DAAM2: variants seen among roughly 807,000 people sequenced by gnomAD.
The protein encoded by DAAM2 is dishevelled associated activator of morphogenesis 2.
Under a neutral mutation model 120.7 loss-of-function variants are expected in DAAM2, and 39 were observed. The ratio of observed to expected loss-of-function variants is 0.32; its 90% CI spans 0.25 to 0.42. The LOEUF (loss-of-function observed/expected upper bound fraction) is 0.42. DAAM2 is among the 10% of genes least tolerant of loss of function. The probability of loss-of-function intolerance (pLI) is 1.00; values close to 1 mark genes in which losing one functional copy is unlikely to be tolerated. For missense variants in DAAM2, 1,283 were observed against 1,401.7 expected (o/e 0.92, Z 1.35); for synonymous variants, 488 against 524.9 (o/e 0.93, Z 0.96).
intron 1 of DAAM2, among the ~76,000 whole-genome samples, chr6:39,800,258 G>A (rs1761820419): frequency 6.6e-6 from 1 of 152,182 alleles, no homozygotes; most frequent in South Asian, 2.1e-4. Context: ...GATGTACACA[G>A]CCTGCTGACC....
chr6:39,837,554 T>G (rs1763149546), intron 1 of DAAM2, among the ~76,000 whole-genome samples: 1 of 149,280 alleles, frequency 6.7e-6, no homozygotes, highest in African/African-American at 2.5e-5. Flanking sequence ...TCCCAGCTAC[T>G]TGGGAGGCTG....
At chr6:39,807,664 G>A (rs1762047732) in intron 1 of DAAM2, among the ~76,000 whole-genome samples, 1 of 152,034 alleles carries the variant, frequency 6.6e-6, no homozygotes, top group Non-Finnish European at 1.5e-5. Context: ...TTACAGGCGA[G>A]CACAACTATG....
At chr6:39,867,406 G>A in intron 5 of DAAM2, 104 bp from the exon 6 acceptor site, 1 of 1,064,046 alleles carries the variant, frequency 9.4e-7, no homozygotes, top group Non-Finnish European at 1.4e-6. Flanking sequence ...GCTACTGTAG[G>A]TGGGACAAGG....
At chr6:39,877,579 C>A (rs563266634) in intron 11 of DAAM2, among the ~76,000 whole-genome samples, 1 of 152,320 alleles carries the variant, frequency 6.6e-6, no homozygotes, top group East Asian at 1.9e-4. Context: ...CTTCCACATT[C>A]TCAGATTTAT....
intron 1 of DAAM2, among the ~76,000 whole-genome samples, chr6:39,811,911 T>C (rs1762173963): frequency 1.3e-5 from 2 of 152,198 alleles, no homozygotes; most frequent in South Asian, 4.1e-4. Context: ...TTCCTGATAA[T>C]TGAGGGAACT....
Position 39,804,883 on chromosome 6 carries a change from G to A in DAAM2, c.-57+12418G>A, listed in dbSNP as rs139211200. Reference sequence around the variant, plus strand: ...CAACAAACATCTGGGAAGCTGCCTGGTATGAGACACTGTGTGCTGAGTCAG... The same window carrying A: ...CAACAAACATCTGGGAAGCTGCCTGATATGAGACACTGTGTGCTGAGTCAG... On this transcript the variant is annotated intron_variant, in intron 1 of 24. Transcript: ENST00000274867. Among the ~76,000 whole-genome samples, 51 of 152,316 alleles carry A rather than the reference G, an allele frequency of 3.3e-4. 1 individual carries two copies. The East Asian group carries it at 8.5e-3, about 25-fold the overall frequency.
chr6:39,856,251 C>T lies in DAAM2; in HGVS notation c.-52C>T, dbSNP rs1237939509. On this transcript the variant is annotated 5_prime_UTR_variant, in exon 2 of 25. Transcript: ENST00000274867. Reference sequence around the variant, plus strand: ...GTGTTCTCTCCTCTTGTCCAGATCACAATGAGGACCTAGGGCATCTGTCTG... The same window carrying T: ...GTGTTCTCTCCTCTTGTCCAGATCATAATGAGGACCTAGGGCATCTGTCTG... 2.1e-6 allele frequency: 3 copies of T among 1,402,930 alleles called. No individual in the cohort carries two copies. The African/African-American group carries it at 4.5e-5, about 21-fold the overall frequency. The allele number at this position is 1,402,930 out of a possible 1,614,324, so 86.9% of individuals were successfully genotyped here.
intron 15 of DAAM2, 142 bp from the exon 16 acceptor site, chr6:39,887,344 C>T: frequency 1.7e-6 from 1 of 605,980 alleles, no homozygotes; most frequent in South Asian, 2.0e-5. Context: ...TATCCACCCT[C>T]CTCTCTCTCC....
chr6:39,879,641 A>C (rs1387343249), intron 14 of DAAM2, 164 bp downstream of exon 14: 3 of 877,098 alleles, frequency 3.4e-6, no homozygotes, highest in African/African-American at 1.6e-5. Flanking sequence ...TGTGCCAGGC[A>C]GCTCACGGTC....
At chr6:39,900,734 C>A (rs1766426752) in intron 23 of DAAM2, among the ~76,000 whole-genome samples, 1 of 102,468 alleles carries the variant, frequency 9.8e-6, no homozygotes, top group South Asian at 3.3e-4. Context: ...TGCTGCTAGT[C>A]CATGAAGCAC....
chr6:39,885,377 A>C (rs1215861465), intron 15 of DAAM2: 8 of 102,174 alleles, frequency 7.8e-5, no homozygotes, highest in African/African-American at 2.6e-4. Context: ...CCAATTCTCC[A>C]CGAGTGGGGT....
chr6:39,795,077 A>G (rs745412649), intron 1 of DAAM2, among the ~76,000 whole-genome samples: 7 of 152,138 alleles, frequency 4.6e-5, no homozygotes, highest in African/African-American at 7.2e-5. Flanking sequence ...ACATTTCACT[A>G]TGGCCGGGAT....
chr6:39,837,501 A>G (rs907545337), intron 1 of DAAM2, among the ~76,000 whole-genome samples: 1 of 151,858 alleles, frequency 6.6e-6, no homozygotes, highest in Non-Finnish European at 1.5e-5. Context: ...CGTCTCTACT[A>G]AAAATACAAA....
intron 10 of DAAM2, among the ~76,000 whole-genome samples, chr6:39,874,110 G>A (rs577877184): frequency 6.6e-6 from 1 of 152,306 alleles, no homozygotes; most frequent in South Asian, 2.1e-4. Flanking sequence ...CGTGATGTGA[G>A]GTCCTTTAGC....
chr6:39,856,768 A>G (rs1764023056), intron 2 of DAAM2, among the ~76,000 whole-genome samples: 1 of 152,216 alleles, frequency 6.6e-6, no homozygotes, highest in African/African-American at 2.4e-5. Context: ...GTTTTGCAAA[A>G]TAAGATGGTG....
intron 1 of DAAM2, among the ~76,000 whole-genome samples, chr6:39,832,262 A>G (rs1057036386): frequency 2.0e-4 from 30 of 152,108 alleles, no homozygotes; most frequent in African/African-American, 7.2e-4. Context: ...TGAGCTCCCC[A>G]GTGAGGGGGT....
chr6:39,900,954 A>G (rs1354213009), intron 23 of DAAM2, among the ~76,000 whole-genome samples: 2 of 152,140 alleles, frequency 1.3e-5, no homozygotes, highest in African/African-American at 4.8e-5. Context: ...AGGGGTTATT[A>G]ACATAACTAG....
At chr6:39,883,598 G>C (rs752129095) in intron 14 of DAAM2, 10 of 206,300 alleles carry the variant, frequency 4.8e-5, no homozygotes, top group Non-Finnish European at 9.8e-5. Context: ...TGCCCTTTAG[G>C]GGGAGTGGGC....
intron 1 of DAAM2, among the ~76,000 whole-genome samples, chr6:39,796,375 G>A (rs945127577): frequency 3.9e-5 from 6 of 152,106 alleles, no homozygotes; most frequent in African/African-American, 9.7e-5. Flanking sequence ...TCTTGAGATG[G>A]CCCAGAGCGG....
Sources: gnomAD v4.1 joint callset for allele counts (sites outside exome capture counted in the v4.1 genomes callset) on GRCh38, gnomAD v4.1.1 for gene constraint, MANE v1.5 for transcripts, NCBI Gene and HGNC (gene_info 2026-07-23, HGNC 2026-07-21) for gene names.